The following HMGCLL1 variants were observed in gnomAD, a reference collection of about 807,000 sequenced individuals.
The protein encoded by HMGCLL1 is 3-hydroxy-3-methylglutaryl-CoA lyase like 1, also known as 3-hydroxymethyl-3-methylglutaryl-CoA lyase, cytoplasmic.
HMGCLL1 carries 36 observed loss-of-function variants against 39.1 expected under a neutral mutation model. The observed-to-expected ratio is 0.92, with a 90% CI of 0.71 to 1.22. The LOEUF is 1.22. HMGCLL1 is among the 50% of genes most tolerant of loss of function. HMGCLL1 has a pLI of 0.00. For synonymous variants in HMGCLL1, 149 were observed against 144.0 expected (o/e 1.03, Z -0.25); for missense variants, 451 against 416.5 (o/e 1.08, Z -0.72).
the HMGCLL1 span, among the ~76,000 whole-genome samples, chr6:55,596,876 A>T: frequency 6.6e-6 from 1 of 152,186 alleles, no homozygotes; most frequent in African/African-American, 2.4e-5. Context: ...TACTATGTAG[A>T]CATTGAAAAT....
intron 8 of HMGCLL1, among the ~76,000 whole-genome samples, chr6:55,439,171 A>G (rs992275333): frequency 1.3e-5 from 2 of 152,110 alleles, no homozygotes; most frequent in African/African-American, 4.8e-5. Context: ...ATCAAATCAG[A>G]TAATACATGA....
At chr6:55,647,777 T>G in the HMGCLL1 span, among the ~76,000 whole-genome samples, 4 of 145,146 alleles carry the variant, frequency 2.8e-5, no homozygotes, top group Admixed American at 1.4e-4. Flanking sequence ...TTATTTTTTT[T>G]TTTTATTATA....
At chr6:55,520,891 T>A (rs1373793723) in intron 3 of HMGCLL1, among the ~76,000 whole-genome samples, 4 of 146,322 alleles carry the variant, frequency 2.7e-5, no homozygotes, top group East Asian at 4.0e-4. Context: ...AAAAAAAAAA[T>A]AGGCCTACCA....
At chr6:55,478,575 A>C (rs1765576779) in intron 7 of HMGCLL1, among the ~76,000 whole-genome samples, 1 of 151,530 alleles carries the variant, frequency 6.6e-6, no homozygotes, top group East Asian at 1.9e-4. Context: ...TAATCCAAAA[A>C]CTAATTCTTG....
chr6:55,474,736 T>C (rs1167965556), intron 7 of HMGCLL1, among the ~76,000 whole-genome samples: 1 of 151,566 alleles, frequency 6.6e-6, no homozygotes, highest in African/African-American at 2.4e-5. Flanking sequence ...CTGGTAATAG[T>C]AACTGAGGTA....
chr6:55,546,041 TA>T (rs1769947947), intron 1 of HMGCLL1, among the ~76,000 whole-genome samples: 1 of 152,128 alleles, frequency 6.6e-6, no homozygotes, highest in South Asian at 2.1e-4. Context: ...AGAGAGATAC[TA>T]TCTCTCTTTC....
At chr6:55,627,893 ATATAT>A in the HMGCLL1 span, among the ~76,000 whole-genome samples, 1 of 33,426 alleles carries the variant, frequency 3.0e-5, no homozygotes, top group Non-Finnish European at 4.8e-5. Flanking sequence ...ATATATATAT[ATATAT>A]AGTATATATA....
the HMGCLL1 span, among the ~76,000 whole-genome samples, chr6:55,588,852 C>A: frequency 2.6e-5 from 4 of 152,024 alleles, no homozygotes; most frequent in African/African-American, 7.2e-5. Flanking sequence ...CAAAACTAAA[C>A]CAGGAAGAAG....
chr6:55,514,992 C>T (rs1263700744), intron 4 of HMGCLL1, among the ~76,000 whole-genome samples: 4 of 152,028 alleles, frequency 2.6e-5, no homozygotes, highest in East Asian at 3.9e-4. Flanking sequence ...CGGTGGCTCA[C>T]GCCTGTAATC....
chr6:55,499,387 T>A, intron 5 of HMGCLL1, 88 bp from the exon 6 acceptor site: 4 of 983,698 alleles, frequency 4.1e-6, no homozygotes, highest in Non-Finnish European at 6.0e-6. Flanking sequence ...TGAAACTGCA[T>A]CAAGAAAATT....
intron 1 of HMGCLL1, among the ~76,000 whole-genome samples, chr6:55,567,286 A>C (rs1295574946): frequency 6.6e-6 from 1 of 152,040 alleles, no homozygotes; most frequent in African/African-American, 2.4e-5. Context: ...TTGAAAAAAA[A>C]TGTATAAAAC....
chr6:55,549,413 T>A (rs1770192402), intron 1 of HMGCLL1, among the ~76,000 whole-genome samples: 1 of 151,680 alleles, frequency 6.6e-6, no homozygotes, highest in Non-Finnish European at 1.5e-5. Flanking sequence ...TGTGTCTGTG[T>A]GTATTTGGTA....
At chr6:55,568,610 G>A (rs562328362) in intron 1 of HMGCLL1, among the ~76,000 whole-genome samples, 5 of 152,236 alleles carry the variant, frequency 3.3e-5, no homozygotes, top group East Asian at 1.9e-4. Context: ...CAACTACTAC[G>A]TAGACTAACA....
chr6:55,526,444 ATT>A (rs1460901921), intron 3 of HMGCLL1, among the ~76,000 whole-genome samples: 1 of 151,992 alleles, frequency 6.6e-6, no homozygotes, highest in Non-Finnish European at 1.5e-5. Flanking sequence ...ATTTTGTATA[ATT>A]TTTGATTCAT....
At chr6:55,487,562 G>A (rs917143362) in intron 7 of HMGCLL1, among the ~76,000 whole-genome samples, 4 of 151,702 alleles carry the variant, frequency 2.6e-5, no homozygotes, top group African/African-American at 4.8e-5. Flanking sequence ...TTTTCTGGTC[G>A]TGTGATAGTT....
the HMGCLL1 span, among the ~76,000 whole-genome samples, chr6:55,662,128 T>G: frequency 4.6e-5 from 7 of 151,836 alleles, no homozygotes; most frequent in Admixed American, 3.9e-4. Context: ...TCATGTTGTC[T>G]CCAAACAGGG....
intron 3 of HMGCLL1, among the ~76,000 whole-genome samples, chr6:55,528,994 A>T (rs1398965182): frequency 6.6e-6 from 1 of 152,172 alleles, no homozygotes; most frequent in Admixed American, 6.6e-5. Flanking sequence ...TCTGTGAGTT[A>T]TAAACTGAGA....
chr6:55,622,324 A>C, the HMGCLL1 span, among the ~76,000 whole-genome samples: 1 of 152,066 alleles, frequency 6.6e-6, no homozygotes, highest in South Asian at 2.1e-4. Context: ...AATTGGTGAA[A>C]GTTGGCATCC....
the HMGCLL1 span, among the ~76,000 whole-genome samples, chr6:55,627,852 TCATGTAAGTTA>T: frequency 9.6e-6 from 1 of 103,726 alleles, no homozygotes; most frequent in African/African-American, 3.7e-5. Context: ...GACCTTGTGA[TCATGTAAGTTA>T]ATACTTAATA....
Sources: gnomAD v4.1 joint callset for allele counts (sites outside exome capture counted in the v4.1 genomes callset) on GRCh38, gnomAD v4.1.1 for gene constraint, MANE v1.5 for transcripts, NCBI Gene and HGNC (gene_info 2026-07-23, HGNC 2026-07-21) for gene names.